SNX29: variants seen among roughly 807,000 people sequenced by gnomAD.
The protein encoded by SNX29 is sorting nexin-29.
SNX29 carries 78 observed loss-of-function variants against 102.1 expected under a neutral mutation model. The observed-to-expected ratio is 0.76, with a 90% CI of 0.64 to 0.92. The LOEUF is 0.92. Among genes scored for constraint, SNX29 ranks in the 40% least tolerant of loss-of-function variants. SNX29 has a pLI of 0.00. For synonymous variants in SNX29, 580 were observed against 414.5 expected (o/e 1.40, Z -4.85); for missense variants, 1,280 against 1,061.7 (o/e 1.21, Z -2.86).
Position 12,316,968 on chromosome 16 carries a change from G to T in SNX29, c.1782+38932G>T, listed in dbSNP as rs547180711. Among the ~76,000 whole-genome samples the T allele has an allele frequency of 3.9e-5, 6 of 152,334 alleles. No homozygotes were observed. In the South Asian group the frequency reaches 1.2e-3, roughly 32 times the overall value. ...TCATACAGTGGTGGCTAGGGCAGGA[G>T]CCCATCACAGAGGGCTAGAAACCTC... On this transcript the variant is annotated intron_variant, in intron 15 of 20. Coordinates refer to ENST00000566228, the MANE Select transcript of SNX29 (RefSeq NM_032167.5).
At chr16:12,529,633 A>G (rs2076878959) in intron 20 of SNX29, among the ~76,000 whole-genome samples, 1 of 152,092 alleles carries the variant, frequency 6.6e-6, no homozygotes, top group Non-Finnish European at 1.5e-5. Flanking sequence ...ACAAATTCCC[A>G]ACTGGATTTT....
chr16:12,528,124 C>G (rs1183883399), intron 20 of SNX29, among the ~76,000 whole-genome samples: 1 of 152,010 alleles, frequency 6.6e-6, no homozygotes, highest in Non-Finnish European at 1.5e-5. Context: ...CGCACCTGGC[C>G]TGTTATTTAT....
chr16:12,536,162 C>T (rs2077072856), intron 20 of SNX29, among the ~76,000 whole-genome samples: 1 of 152,186 alleles, frequency 6.6e-6, no homozygotes, highest in African/African-American at 2.4e-5. Context: ...GCAGAATCTC[C>T]TGGCTTAGCA....
chr16:12,530,432 C>G (rs893556461), intron 20 of SNX29, among the ~76,000 whole-genome samples: 1 of 152,164 alleles, frequency 6.6e-6, no homozygotes, highest in Non-Finnish European at 1.5e-5. Context: ...AGCACCCACC[C>G]CATGCACACC....
At chr16:12,548,363 A>G (rs1260787920) in intron 20 of SNX29, among the ~76,000 whole-genome samples, 1 of 152,182 alleles carries the variant, frequency 6.6e-6, no homozygotes, top group African/African-American at 2.4e-5. Context: ...CTCTGCACCC[A>G]CATGGAAGGG....
chr16:11,995,564 A>G (rs771813226), intron 1 of SNX29, among the ~76,000 whole-genome samples: 6 of 149,384 alleles, frequency 4.0e-5, no homozygotes, highest in Non-Finnish European at 7.4e-5. Flanking sequence ...CCCCCACCCC[A>G]TCATGAAAAG....
At chr16:12,170,889 C>T (rs906804872) in intron 13 of SNX29, among the ~76,000 whole-genome samples, 10 of 151,686 alleles carry the variant, frequency 6.6e-5, no homozygotes, top group African/African-American at 1.2e-4. Flanking sequence ...ACAGGGCCTC[C>T]GAGACATCCC....
intron 14 of SNX29, among the ~76,000 whole-genome samples, chr16:12,247,401 CA>C (rs1395540144): frequency 6.6e-6 from 1 of 152,230 alleles, no homozygotes; most frequent in Non-Finnish European, 1.5e-5. Context: ...ATGGCCCGCA[CA>C]GTCTATCTCC....
chr16:12,337,068 C>G (rs907235471), intron 15 of SNX29, among the ~76,000 whole-genome samples: 1 of 152,166 alleles, frequency 6.6e-6, no homozygotes, highest in African/African-American at 2.4e-5. Context: ...TGATCTTAAC[C>G]ATCTTGGGCA....
chr16:12,511,542 G>A (rs537412942), intron 19 of SNX29, among the ~76,000 whole-genome samples: 64 of 152,320 alleles, frequency 4.2e-4, no homozygotes, highest in African/African-American at 1.4e-3. Flanking sequence ...AGCTCCGTGT[G>A]GAGCCCTTGT....
intron 15 of SNX29, among the ~76,000 whole-genome samples, chr16:12,340,188 CCTT>C (rs1366563989): frequency 3.3e-5 from 5 of 152,186 alleles, no homozygotes; most frequent in East Asian, 1.9e-4. Context: ...ATCCTCCTCC[CCTT>C]CTTCTCCTTC....
chr16:12,403,359 G>A, intron 17 of SNX29, 89 bp from the exon 18 acceptor site: 1 of 1,339,440 alleles, frequency 7.5e-7, no homozygotes, highest in Non-Finnish European at 1.0e-6. Flanking sequence ...TCTTGGAGTA[G>A]AAAATTGTCT....
intron 15 of SNX29, among the ~76,000 whole-genome samples, chr16:12,329,329 A>G (rs1452857767): frequency 1.3e-5 from 2 of 150,184 alleles, no homozygotes; most frequent in Non-Finnish European, 3.0e-5. Context: ...CTAGGCGTCC[A>G]TCTCAGCAGC....
chr16:12,536,968 A>G lies in SNX29; in HGVS notation c.2318+12127A>G, dbSNP rs2077104492. On this transcript the variant is annotated intron_variant, in intron 20 of 20. Transcript: ENST00000566228. ...TCCAGCCTAGGCGACAGAGTGAGAGAGAACCCGTCTTAAAAAAATAAAATA... is the reference window on the plus strand; with the variant it reads ...TCCAGCCTAGGCGACAGAGTGAGAGGGAACCCGTCTTAAAAAAATAAAATA... Among the ~76,000 whole-genome samples the G allele has an allele frequency of 2.0e-5, 3 of 151,076 alleles. 1 individual carries two copies. The Middle Eastern group carries it at 0.01, about 514-fold the overall frequency.
intron 8 of SNX29, among the ~76,000 whole-genome samples, chr16:12,058,091 A>T (rs568096787): frequency 6.6e-6 from 1 of 152,204 alleles, no homozygotes; most frequent in South Asian, 2.1e-4. Flanking sequence ...AAGTGCTGGG[A>T]TTACAGGTGT....
chr16:12,252,221 A>G (rs928135142), intron 14 of SNX29, among the ~76,000 whole-genome samples: 1 of 151,940 alleles, frequency 6.6e-6, no homozygotes, highest in Non-Finnish European at 1.5e-5. Flanking sequence ...TACATCCACA[A>G]ACTTCAAAGT....
chr16:12,565,503 C>G (rs566967680), intron 20 of SNX29, among the ~76,000 whole-genome samples: 1 of 152,176 alleles, frequency 6.6e-6, no homozygotes, highest in Non-Finnish European at 1.5e-5. Context: ...AAGCCTGTGT[C>G]CCGAGACATG....
chr16:12,452,229 G>A (rs1187110816), intron 18 of SNX29, among the ~76,000 whole-genome samples: 1 of 152,186 alleles, frequency 6.6e-6, no homozygotes, highest in Non-Finnish European at 1.5e-5. Context: ...GGGTGGTTTT[G>A]TTTTGTCCCT....
intron 18 of SNX29, among the ~76,000 whole-genome samples, chr16:12,423,058 CTCATAGTG>C (rs2084930714): frequency 6.6e-6 from 1 of 152,162 alleles, no homozygotes; most frequent in Admixed American, 6.5e-5. Context: ...AAAACCCAGC[CTCATAGTG>C]TCATGCAGCA....
Sources: allele counts gnomAD v4.1 joint callset (sites outside exome capture counted in the v4.1 genomes callset), GRCh38; gene constraint gnomAD v4.1.1; transcripts MANE v1.5; gene names NCBI Gene and HGNC (gene_info 2026-07-23, HGNC 2026-07-21).